The following DRC8 variants were observed in gnomAD, a reference collection of about 807,000 sequenced individuals.
The protein encoded by DRC8 is dynein regulatory complex protein 8.
chr1:244,994,283 C>A, the DRC8 span, among the ~76,000 whole-genome samples: 1 of 152,092 alleles, frequency 6.6e-6, no homozygotes, highest in Non-Finnish European at 1.5e-5. Context: ...TAAGGTGTTT[C>A]TGCAAATAGC....
the DRC8 span, among the ~76,000 whole-genome samples, chr1:245,027,553 A>T: frequency 6.6e-6 from 1 of 152,212 alleles, no homozygotes; most frequent in African/African-American, 2.4e-5. Context: ...AAAAACATTA[A>T]GAGACTGTAG....
the DRC8 span, among the ~76,000 whole-genome samples, chr1:245,058,858 T>C: frequency 6.6e-6 from 1 of 152,194 alleles, no homozygotes; most frequent in Non-Finnish European, 1.5e-5. Context: ...TCCTGGTTCT[T>C]AGTGTTTGAA....
At chr1:245,121,712 G>A in the DRC8 span, among the ~76,000 whole-genome samples, 1 of 151,984 alleles carries the variant, frequency 6.6e-6, no homozygotes, top group African/African-American at 2.4e-5. Context: ...CCAAAACGAG[G>A]GCTGTCCAGC....
chr1:245,014,581 A>G, the DRC8 span, among the ~76,000 whole-genome samples: 4 of 152,036 alleles, frequency 2.6e-5, no homozygotes, highest in Admixed American at 2.0e-4. Flanking sequence ...CTGGAAAAAT[A>G]TAACATTTAC....
chr1:245,051,400 C>A, the DRC8 span, among the ~76,000 whole-genome samples: 321 of 152,146 alleles, frequency 2.1e-3, no homozygotes, highest in Middle Eastern at 0.014. Context: ...CAATCCCCCC[C>A]ACCCAAAAGG....
At chr1:245,064,824 A>G in the DRC8 span, among the ~76,000 whole-genome samples, 1 of 151,854 alleles carries the variant, frequency 6.6e-6, no homozygotes, top group South Asian at 2.1e-4. Context: ...GTATATAAAC[A>G]TTAATTTTTT....
the DRC8 span, among the ~76,000 whole-genome samples, chr1:245,105,145 T>C: frequency 6.6e-6 from 1 of 152,210 alleles, no homozygotes. Flanking sequence ...TTTTCTTTCC[T>C]TGCAAATCAA....
the DRC8 span, among the ~76,000 whole-genome samples, chr1:245,027,587 T>C: frequency 6.6e-6 from 1 of 152,170 alleles, no homozygotes; most frequent in Admixed American, 6.5e-5. Context: ...TTTTAAACTA[T>C]CTATTTCGAA....
chr1:244,994,737 T>C, the DRC8 span, among the ~76,000 whole-genome samples: 1 of 152,144 alleles, frequency 6.6e-6, no homozygotes, highest in Non-Finnish European at 1.5e-5. Context: ...ACATTAAACT[T>C]CTTTTTAAAC....
At chr1:245,102,350 A>ATTTT in the DRC8 span, among the ~76,000 whole-genome samples, 1 of 151,408 alleles carries the variant, frequency 6.6e-6, no homozygotes, top group Admixed American at 6.6e-5. Context: ...TTATTTATTT[A>ATTTT]TTTATTTATT....
At chr1:245,016,299 C>T in the DRC8 span, among the ~76,000 whole-genome samples, 1 of 152,040 alleles carries the variant, frequency 6.6e-6, no homozygotes, top group Non-Finnish European at 1.5e-5. Context: ...TTTACAATCA[C>T]CCTCAAACTC....
the DRC8 span, among the ~76,000 whole-genome samples, chr1:245,021,385 G>A: frequency 6.6e-6 from 1 of 151,938 alleles, no homozygotes; most frequent in South Asian, 2.1e-4. Context: ...GGGATTTAAA[G>A]CTAAGAACAG....
the DRC8 span, among the ~76,000 whole-genome samples, chr1:245,016,909 A>T: frequency 2.0e-5 from 3 of 152,218 alleles, no homozygotes; most frequent in African/African-American, 7.2e-5. Flanking sequence ...AGGACTTGAG[A>T]TAGAGAGGCC....
At chr1:244,985,572 A>C in the DRC8 span, among the ~76,000 whole-genome samples, 3 of 152,174 alleles carry the variant, frequency 2.0e-5, no homozygotes, top group Admixed American at 2.0e-4. Context: ...AAAGAGTTAC[A>C]TAATTATTGG....
At chr1:245,031,391 A>G in the DRC8 span, among the ~76,000 whole-genome samples, 1 of 151,826 alleles carries the variant, frequency 6.6e-6, no homozygotes, top group African/African-American at 2.4e-5. Context: ...TGAAATGTGG[A>G]TGGAGGTAAT....
the DRC8 span, among the ~76,000 whole-genome samples, chr1:244,982,313 A>G: frequency 6.6e-6 from 1 of 152,216 alleles, no homozygotes; most frequent in East Asian, 1.9e-4. Context: ...CCAGACTTAG[A>G]TATATGATAA....
At chr1:244,981,786 G>A in the DRC8 span, among the ~76,000 whole-genome samples, 1 of 152,164 alleles carries the variant, frequency 6.6e-6, no homozygotes, top group African/African-American at 2.4e-5. Context: ...GGTTATTCTG[G>A]TGAAGAGCCA....
the DRC8 span, among the ~76,000 whole-genome samples, chr1:245,049,793 G>A: frequency 5.9e-5 from 9 of 152,184 alleles, no homozygotes; most frequent in African/African-American, 2.2e-4. This position sits in a 1 kb window ranked among gnomAD's most constrained non-coding sequence, Gnocchi z 4.5. Context: ...AGATTTGTGA[G>A]AGGCAGCAGT....
the DRC8 span, among the ~76,000 whole-genome samples, chr1:244,993,620 C>A: frequency 6.6e-6 from 1 of 152,188 alleles, no homozygotes; most frequent in Admixed American, 6.5e-5. Flanking sequence ...TAACAGGATA[C>A]CACAGACTAG....
Sources: gnomAD v4.1 joint callset for allele counts (sites outside exome capture counted in the v4.1 genomes callset) on GRCh38, gnomAD v4.1.1 for gene constraint, Gnocchi (gnomAD v3.1) non-coding constraint, MANE v1.5 for transcripts, NCBI Gene and HGNC (gene_info 2026-07-23, HGNC 2026-07-21) for gene names.